KATNIP: variants seen among roughly 807,000 people sequenced by gnomAD.
KATNIP encodes the protein katanin interacting protein.
In KATNIP, 126 loss-of-function variants were observed where a neutral mutation model predicts 174.0. The ratio of observed to expected loss-of-function variants is 0.72; its 90% CI spans 0.63 to 0.84. The LOEUF is 0.84. Among genes scored for constraint, KATNIP ranks in the 40% least tolerant of loss-of-function variants. The pLI, the probability that KATNIP is intolerant of heterozygous loss-of-function variation, is 0.00. For synonymous variants in KATNIP, 810 were observed against 835.7 expected (o/e 0.97, Z 0.53); for missense variants, 1,958 against 2,109.7 (o/e 0.93, Z 1.41).
intron 1 of KATNIP, among the ~76,000 whole-genome samples, chr16:27,561,157 G>A (rs1018094649): frequency 4.6e-5 from 7 of 150,810 alleles, no homozygotes; most frequent in Admixed American, 2.6e-4. Flanking sequence ...GACTACAGGC[G>A]CCCACCACCA....
intron 27 of KATNIP, 71 bp from the exon 28 acceptor site, chr16:27,778,502 TG>T (rs1394179992): frequency 2.7e-6 from 4 of 1,483,880 alleles, no homozygotes; most frequent in Admixed American, 3.6e-5. Flanking sequence ...TGGATTTCAC[TG>T]GGGAGTGTGG....
At chr16:27,557,393 C>T (rs1455319319) in intron 1 of KATNIP, among the ~76,000 whole-genome samples, 1 of 151,334 alleles carries the variant, frequency 6.6e-6, no homozygotes, top group Admixed American at 6.6e-5. Flanking sequence ...CCAACCCTAC[C>T]CCTTGGCCTC....
At chr16:27,739,753 G>A (rs2081030427) in intron 14 of KATNIP, among the ~76,000 whole-genome samples, 2 of 152,170 alleles carry the variant, frequency 1.3e-5, no homozygotes, top group African/African-American at 4.8e-5. Context: ...CAGGAAGCAG[G>A]GAGACCCATT....
At chr16:27,710,467 C>T (rs868639660) in intron 13 of KATNIP, among the ~76,000 whole-genome samples, 1 of 152,210 alleles carries the variant, frequency 6.6e-6, no homozygotes, top group African/African-American at 2.4e-5. Flanking sequence ...GTGAGCTAAA[C>T]TGAGCCAGAG....
At chr16:27,604,959 C>T (rs980143594) in intron 2 of KATNIP, among the ~76,000 whole-genome samples, 1 of 152,152 alleles carries the variant, frequency 6.6e-6, no homozygotes, top group Non-Finnish European at 1.5e-5. Context: ...GATGGAGTCT[C>T]GTTCTGTTGT....
chr16:27,644,031 T>C (rs1350455721), intron 5 of KATNIP, among the ~76,000 whole-genome samples: 1 of 150,796 alleles, frequency 6.6e-6, no homozygotes, highest in Admixed American at 6.6e-5. Context: ...TTTTTTTTTT[T>C]TTTTTTTTTA....
intron 6 of KATNIP, among the ~76,000 whole-genome samples, chr16:27,674,323 G>A (rs908038111): frequency 2.6e-5 from 4 of 152,214 alleles, no homozygotes; most frequent in Non-Finnish European, 1.5e-5. Flanking sequence ...AAGGCATTTA[G>A]CAAACCTGCA....
At chr16:27,670,059 T>C (rs1238957259) in intron 6 of KATNIP, among the ~76,000 whole-genome samples, 3 of 152,144 alleles carry the variant, frequency 2.0e-5, no homozygotes, top group African/African-American at 7.2e-5. Context: ...AGAAACCAAA[T>C]TGAAACAGGA....
At chr16:27,763,619 C>CAAAAAAAAAAAAAAA (rs565418198) in intron 19 of KATNIP, among the ~76,000 whole-genome samples, 6 of 50,538 alleles carry the variant, frequency 1.2e-4, no homozygotes, top group East Asian at 6.4e-4. Flanking sequence ...TGTCTCAACA[C>CAAAAAAAAAAAAAAA]AAAAAAAAAA....
In KATNIP at chr16:27,763,286, C is replaced by CA. The variant is rs1475329526; in HGVS notation, c.3809+1705dup. On this transcript the variant is annotated intron_variant, in intron 19 of 27. Coordinates refer to ENST00000261588, the MANE Select transcript of KATNIP (RefSeq NM_015202.5). ...GCAACATAGTGAGACTATGTCTCTACAAAAAAAAATAAAAAATAAAAAATA... is the reference window on the plus strand; with the variant it reads ...GCAACATAGTGAGACTATGTCTCTACAAAAAAAAAATAAAAAATAAAAAATA... Among the ~76,000 whole-genome samples the CA allele has an allele frequency of 2.5e-3, 320 of 129,434 alleles. 1 individual carries two copies. The highest frequency in any genetic ancestry group is 8.8e-3 in the African/African-American group (302 of 34,280). The allele number at this position is 129,434 out of a possible 152,430, so 84.9% of individuals were successfully genotyped here.
intron 1 of KATNIP, among the ~76,000 whole-genome samples, chr16:27,551,701 A>G (rs1172231868): frequency 6.6e-6 from 1 of 152,154 alleles, no homozygotes; most frequent in African/African-American, 2.4e-5. Flanking sequence ...CCTGGCCAAC[A>G]TGGTGAAACC....
At chr16:27,603,732 AC>A in intron 2 of KATNIP, among the ~76,000 whole-genome samples, 1 of 115,762 alleles carries the variant, frequency 8.6e-6, no homozygotes, top group East Asian at 2.9e-4. Context: ...AGCACTTCCC[AC>A]TTCCTTTTTT....
chr16:27,562,540 G>T (rs1185948960), intron 1 of KATNIP, among the ~76,000 whole-genome samples: 1 of 152,134 alleles, frequency 6.6e-6, no homozygotes, highest in Non-Finnish European at 1.5e-5. Context: ...ATTTTTGGGA[G>T]GTGCAGATAC....
chr16:27,658,935 T>A (rs1422801120), intron 6 of KATNIP, among the ~76,000 whole-genome samples: 2 of 151,960 alleles, frequency 1.3e-5, no homozygotes, highest in African/African-American at 4.8e-5. Flanking sequence ...GCTAATTTTT[T>A]TTTTTTTTCC....
At chr16:27,722,613 C>T (rs1208064924) in intron 14 of KATNIP, among the ~76,000 whole-genome samples, 1 of 152,208 alleles carries the variant, frequency 6.6e-6, no homozygotes, top group East Asian at 1.9e-4. Flanking sequence ...CCTTTCAAAT[C>T]TGTAAGGGAA....
Position 27,654,852 on chromosome 16 carries a change from G to A in KATNIP, c.540+6117G>A, listed in dbSNP as rs147261564. On this transcript the variant is annotated intron_variant, in intron 6 of 27. Coordinates refer to ENST00000261588, the MANE Select transcript of KATNIP (RefSeq NM_015202.5). ...AGAGAGTCTAGGAAAACCACAGGGC[G>A]GGCACGGTGGCTTATACCTGTAATC... 4.0e-4 allele frequency: 372 copies of A among 938,862 alleles called. No homozygotes were observed. The African/African-American group carries it at 4.2e-3, about 10-fold the overall frequency. The allele number at this position is 938,862 out of a possible 1,614,324, so 58.2% of individuals were successfully genotyped here.
Position 27,779,160 on chromosome 16 carries a change from T to C in KATNIP, c.*531T>C, listed in dbSNP as rs930813498. On this transcript the variant is annotated 3_prime_UTR_variant, in exon 28 of 28. Coordinates refer to ENST00000261588, the MANE Select transcript of KATNIP (RefSeq NM_015202.5). Reference sequence around the variant, plus strand: ...TGTCTCATTTGGGGACTGGTGGAGCTGGCTGAGAGGTTGGGGTAGTTTCCT... The same window carrying C: ...TGTCTCATTTGGGGACTGGTGGAGCCGGCTGAGAGGTTGGGGTAGTTTCCT... 1 of 152,854 alleles carries C rather than the reference T, an allele frequency of 6.5e-6. No individual in the cohort carries two copies. The highest frequency in any genetic ancestry group is 1.5e-5 in the Non-Finnish European group (1 of 68,516). 9.5% of individuals were successfully genotyped at this position (152,854 alleles called of 1,614,324 possible).
intron 15 of KATNIP, among the ~76,000 whole-genome samples, chr16:27,747,609 C>T (rs1436881440): frequency 2.0e-5 from 3 of 152,110 alleles, no homozygotes; most frequent in Admixed American, 6.5e-5. Flanking sequence ...AGGATACTGT[C>T]GGCATTGATC....
rs778537799 is a variant in KATNIP, at chr16:27,698,311, C to T, written c.941-17C>T. The T allele has an allele frequency of 6.3e-7, 1 of 1,596,884 alleles. No homozygotes were observed. The highest frequency in any genetic ancestry group is 1.1e-5 in the South Asian group (1 of 88,998). On this transcript the variant is annotated splice_polypyrimidine_tract_variant and intron_variant, in intron 8 of 27. Coordinates refer to ENST00000261588, the MANE Select transcript of KATNIP (RefSeq NM_015202.5). ...GAATATAATCTAAAAGAACGTCCCC[C>T]TGTCTTCTGCCCTCAGGACCTGGAA...
Sources: gnomAD v4.1 joint callset for allele counts (sites outside exome capture counted in the v4.1 genomes callset) on GRCh38, gnomAD v4.1.1 for gene constraint, MANE v1.5 for transcripts, NCBI Gene and HGNC (gene_info 2026-07-23, HGNC 2026-07-21) for gene names.